THSD4: variants seen among roughly 807,000 people sequenced by gnomAD.
The protein encoded by THSD4 is thrombospondin type 1 domain containing 4, also known as thrombospondin type-1 domain-containing protein 4.
A neutral mutation model predicts 119.0 loss-of-function variants in THSD4; 69 were observed. The observed-to-expected ratio is 0.58, with a 90% CI of 0.48 to 0.71. The LOEUF (loss-of-function observed/expected upper bound fraction) is 0.71. THSD4 is among the 30% of genes least tolerant of loss of function. The pLI is 0.00. For missense variants in THSD4, 1,393 were observed against 1,391.1 expected (o/e 1.00, Z -0.02); for synonymous variants, 524 against 540.4 (o/e 0.97, Z 0.42).
At chr15:71,247,734 AGG>A (rs2044217932) in intron 5 of THSD4, among the ~76,000 whole-genome samples, 1 of 152,220 alleles carries the variant, frequency 6.6e-6, no homozygotes, top group Non-Finnish European at 1.5e-5. Context: ...TCAGCAGTGA[AGG>A]GGCAACACAG....
intron 8 of THSD4, 36 bp downstream of exon 8, chr15:71,660,770 C>T: frequency 6.2e-7 from 1 of 1,610,056 alleles, no homozygotes. Flanking sequence ...AACCGTCTGT[C>T]CCTGCCAGAT....
chr15:71,288,925 C>A lies in THSD4; in HGVS notation c.1015+32210C>A, dbSNP rs1284022741. On this transcript the variant is annotated intron_variant, in intron 6 of 17. Coordinates refer to ENST00000261862, the MANE Select transcript of THSD4 (RefSeq NM_024817.3). ...AGAAGGAAATATAACACTCAATGGA[C>A]AAATCCCCAGCTGGAAGAGGTCTCT... Among the ~76,000 whole-genome samples, 8 of 152,158 alleles carry A rather than the reference C, an allele frequency of 5.3e-5. No individual in the cohort carries two copies. In the East Asian group the frequency reaches 1.5e-3, roughly 29 times the overall value.
At position 71,539,729 on chromosome 15, in the gene THSD4, A is replaced by T. The variant is rs537681863; in HGVS notation, c.1153-120801A>T. Among the ~76,000 whole-genome samples, 176 of 152,318 alleles carry T rather than the reference A, an allele frequency of 1.2e-3. 3 individuals are homozygous for T. The highest frequency in any genetic ancestry group is 5.0e-3 in the South Asian group (24 of 4,830). On this transcript the variant is annotated intron_variant, in intron 7 of 17. Transcript: ENST00000261862. ...TTCTGTTTTCTGGTATCTAAGATGA[A>T]CCATTAGAAGACCTCCCGTCATAAG...
At chr15:71,395,914 G>GAGAGACACACACAC (rs535919434) in intron 6 of THSD4, among the ~76,000 whole-genome samples, 69 of 133,378 alleles carry the variant, frequency 5.2e-4, no homozygotes, top group African/African-American at 1.9e-3. Context: ...TTTGAAGAGA[G>GAGAGACACACACAC]ACACACACAC....
intron 7 of THSD4, among the ~76,000 whole-genome samples, chr15:71,439,184 C>T (rs2047055346): frequency 6.6e-6 from 1 of 152,176 alleles, no homozygotes; most frequent in East Asian, 1.9e-4. Context: ...CCGTCTTCTG[C>T]CATTCAGTAA....
chr15:71,643,191 C>G lies in THSD4; in HGVS notation c.1153-17339C>G, dbSNP rs527514089. 2.0e-5 allele frequency among the ~76,000 whole-genome samples: 3 copies of G among 151,844 alleles called. No individual in the cohort carries two copies. In the South Asian group the frequency reaches 6.3e-4, roughly 32 times the overall value. Reference sequence around the variant, plus strand: ...TGCTAAATCATCTGGTCCGGTGGTCCTAACACTTTTTCATGAAAATGATCT... The same window carrying G: ...TGCTAAATCATCTGGTCCGGTGGTCGTAACACTTTTTCATGAAAATGATCT... On this transcript the variant is annotated intron_variant, in intron 7 of 17. Transcript: ENST00000261862.
rs184744982 is a variant in THSD4 at position 71,392,838 on chromosome 15, C to T, written c.1016-18849C>T. 2.4e-3 allele frequency among the ~76,000 whole-genome samples: 365 copies of T among 152,306 alleles called. 1 individual carries two copies. Among genetic ancestry groups the T allele is most frequent in the Non-Finnish European group, 3.0e-3 (207 of 68,026 alleles). On this transcript the variant is annotated intron_variant, in intron 6 of 17. Coordinates refer to ENST00000261862, the MANE Select transcript of THSD4 (RefSeq NM_024817.3). ...TTCTTCCTTTTTGTCTTTTCCCATC[C>T]TTTCCCTTCAAATACCACCAAATAC...
At chr15:71,693,204 A>T (rs976107031) in intron 8 of THSD4, among the ~76,000 whole-genome samples, 2 of 152,216 alleles carry the variant, frequency 1.3e-5, no homozygotes, top group Non-Finnish European at 2.9e-5. Flanking sequence ...CTATCAAAGG[A>T]TGTGTAAGGC....
chr15:71,266,492 C>A (rs2044467140), intron 6 of THSD4, among the ~76,000 whole-genome samples: 2 of 152,058 alleles, frequency 1.3e-5, no homozygotes, highest in Non-Finnish European at 2.9e-5. Flanking sequence ...GATAAACCCA[C>A]AAAGATGAGG....
At chr15:71,531,851 G>A (rs1016323615) in intron 7 of THSD4, among the ~76,000 whole-genome samples, 6 of 152,170 alleles carry the variant, frequency 3.9e-5, no homozygotes, top group African/African-American at 7.2e-5. Context: ...GGCAGAAGAC[G>A]CCTGAATTCT....
chr15:71,671,566 T>C (rs891461589), intron 8 of THSD4, among the ~76,000 whole-genome samples: 1 of 152,238 alleles, frequency 6.6e-6, no homozygotes, highest in Non-Finnish European at 1.5e-5. Context: ...CCCATGCCTG[T>C]GTCCTGAATT....
At chr15:71,634,143 C>T (rs2050690651) in intron 7 of THSD4, among the ~76,000 whole-genome samples, 1 of 149,698 alleles carries the variant, frequency 6.7e-6, no homozygotes, top group South Asian at 2.1e-4. Flanking sequence ...GCCGAGATCG[C>T]ACCATTGCAC....
intron 7 of THSD4, among the ~76,000 whole-genome samples, chr15:71,431,562 C>G (rs1485795905): frequency 1.3e-5 from 2 of 152,038 alleles, no homozygotes; most frequent in Admixed American, 1.3e-4. Flanking sequence ...TGTGAAAGAT[C>G]TGTATGTAAA....
At chr15:71,338,810 A>G (rs2045522717) in intron 6 of THSD4, among the ~76,000 whole-genome samples, 1 of 152,178 alleles carries the variant, frequency 6.6e-6, no homozygotes, top group Non-Finnish European at 1.5e-5. Context: ...AACTCTACCC[A>G]ACCGAGTGGA....
At chr15:71,338,945 C>G (rs1052191833) in intron 6 of THSD4, among the ~76,000 whole-genome samples, 4 of 152,144 alleles carry the variant, frequency 2.6e-5, no homozygotes, top group Non-Finnish European at 2.9e-5. Context: ...CTAAAGGTCA[C>G]CTCTGTTTCT....
intron 7 of THSD4, among the ~76,000 whole-genome samples, chr15:71,574,745 C>T (rs147327067): frequency 1.1e-4 from 17 of 152,242 alleles, no homozygotes; most frequent in Non-Finnish European, 1.9e-4. Flanking sequence ...ATATCTCATA[C>T]ATGACCGTGA....
At chr15:71,185,562 G>A (rs916118587) in intron 3 of THSD4, 16 of 146,692 alleles carry the variant, frequency 1.1e-4, no homozygotes, top group Non-Finnish European at 1.1e-4. Context: ...AGAAAATGAA[G>A]GCCATAAAAT....
chr15:71,548,366 A>G (rs1017147576), intron 7 of THSD4, among the ~76,000 whole-genome samples: 1 of 152,222 alleles, frequency 6.6e-6, no homozygotes, highest in African/African-American at 2.4e-5. Flanking sequence ...AAAGGCCATG[A>G]GGCCACTTCA....
Position 71,777,214 on chromosome 15 carries a change from C to T in THSD4, c.2915-18C>T. ...TCTTGTGCTCAGGGAGTCTTCTGTT[C>T]ATTCTCTTTCGCTACAGATGAAAAC... On this transcript the variant is annotated intron_variant, in intron 17 of 17. Coordinates refer to ENST00000261862, the MANE Select transcript of THSD4 (RefSeq NM_024817.3). The T allele has an allele frequency of 6.2e-7, 1 of 1,614,156 alleles. No homozygotes were observed. Among genetic ancestry groups the T allele is most frequent in the Non-Finnish European group, 8.5e-7 (1 of 1,179,996 alleles).
Sources: gnomAD v4.1 joint callset for allele counts (sites outside exome capture counted in the v4.1 genomes callset) on GRCh38, gnomAD v4.1.1 for gene constraint, MANE v1.5 for transcripts, NCBI Gene and HGNC (gene_info 2026-07-23, HGNC 2026-07-21) for gene names.